The following COL4A2 variants were observed in gnomAD, a reference collection of about 807,000 sequenced individuals.
COL4A2 encodes the protein collagen alpha-2(IV) chain.
A neutral mutation model predicts 200.2 loss-of-function variants in COL4A2; 99 were observed. That is an observed-to-expected ratio of 0.49 (90% CI 0.42 to 0.58). The LOEUF (loss-of-function observed/expected upper bound fraction) is 0.58. Among genes scored for constraint, COL4A2 ranks in the 20% least tolerant of loss-of-function variants. COL4A2 has a pLI of 0.00. For synonymous variants in COL4A2, 897 were observed against 900.6 expected, an observed-to-expected ratio of 1.00 and a Z score of 0.07; for missense variants, 1,950 against 2,314.1, an observed-to-expected ratio of 0.84 and a Z score of 3.23.
At chr13:110,509,596 CGTT>C (rs1052034556) in intron 47 of COL4A2, among the ~76,000 whole-genome samples, 1 of 151,878 alleles carries the variant, frequency 6.6e-6, no homozygotes, top group African/African-American at 2.4e-5. Context: ...TTTTCACTCC[CGTT>C]GTTAAATTCA....
chr13:110,434,138 A>C (rs1445689858), intron 11 of COL4A2, among the ~76,000 whole-genome samples: 1 of 152,182 alleles, frequency 6.6e-6, no homozygotes, highest in Non-Finnish European at 1.5e-5. Flanking sequence ...TACAGTCTGC[A>C]GAGACCATAT....
At chr13:110,425,189 C>A (rs2139454475) in intron 6 of COL4A2, among the ~76,000 whole-genome samples, 192 bp downstream of exon 6, 1 of 152,282 alleles carries the variant, frequency 6.6e-6, no homozygotes, top group Admixed American at 6.5e-5. Flanking sequence ...TTGTAAACGT[C>A]CTTATAGACT....
At chr13:110,389,843 G>A (rs1160493601) in intron 4 of COL4A2, among the ~76,000 whole-genome samples, 1 of 147,058 alleles carries the variant, frequency 6.8e-6, no homozygotes, top group Non-Finnish European at 1.5e-5. Flanking sequence ...TATTGTGTTA[G>A]TGGGTGCTTT....
At chr13:110,424,688 T>C (rs756791073) in intron 4 of COL4A2, 46 bp from the exon 5 acceptor site, 3 of 1,364,180 alleles carry the variant, frequency 2.2e-6, no homozygotes, top group Non-Finnish European at 3.1e-6. Context: ...ATCATGAGTA[T>C]GTATTGTGAT....
chr13:110,486,511 C>T (rs573334719), intron 34 of COL4A2, among the ~76,000 whole-genome samples: 3 of 152,178 alleles, frequency 2.0e-5, no homozygotes, highest in African/African-American at 4.8e-5. Flanking sequence ...ATAGTGTATT[C>T]TCACAGTCCC....
At chr13:110,409,838 CG>C (rs1879759949) in intron 4 of COL4A2, among the ~76,000 whole-genome samples, 1 of 152,108 alleles carries the variant, frequency 6.6e-6, no homozygotes, top group Admixed American at 6.5e-5. Flanking sequence ...CATTCCAAAC[CG>C]GGGAGTCTTG....
intron 13 of COL4A2, among the ~76,000 whole-genome samples, chr13:110,436,799 T>C (rs1205742793): frequency 1.3e-5 from 2 of 152,214 alleles, no homozygotes; most frequent in Non-Finnish European, 2.9e-5. Flanking sequence ...TTTGACAGTT[T>C]CTGAATCATT....
At position 110,512,411 on chromosome 13, in the gene COL4A2, GCAGCCCTGGCCCCCAT is replaced by G; in HGVS notation, c.*229_*244del. ...AAGCCCTGCCCACAGAAAGCCAGGA[GCAGCCCTGGCCCCCAT>G]CAGCCCTGCTAGACGCACCGCCTGA... On this transcript the variant is annotated 3_prime_UTR_variant, in exon 48 of 48. Coordinates refer to ENST00000360467, the MANE Select transcript of COL4A2 (RefSeq NM_001846.4). 1 of 745,776 alleles carries G rather than the reference GCAGCCCTGGCCCCCAT, an allele frequency of 1.3e-6. No individual in the cohort carries two copies. Among genetic ancestry groups the G allele is most frequent in the South Asian group, 2.0e-5 (1 of 51,050 alleles). The allele number at this position is 745,776 out of a possible 1,614,324, so 46.2% of individuals were successfully genotyped here. A position where few individuals can be genotyped will look rare whatever the true frequency, so the allele number is the denominator to read the frequency against.
intron 3 of COL4A2, among the ~76,000 whole-genome samples, chr13:110,322,746 T>C (rs1393259587): frequency 6.6e-6 from 1 of 152,218 alleles, no homozygotes; most frequent in Non-Finnish European, 1.5e-5. Flanking sequence ...TTCAGGTTGC[T>C]AAGGGCTGGG....
intron 4 of COL4A2, among the ~76,000 whole-genome samples, chr13:110,384,887 G>A (rs1035869053): frequency 6.6e-5 from 10 of 152,194 alleles, no homozygotes; most frequent in African/African-American, 2.4e-4. Flanking sequence ...TGCAAATAGG[G>A]GTTTAGAAGG....
chr13:110,451,783 A>G (rs1881546046), intron 20 of COL4A2, among the ~76,000 whole-genome samples: 1 of 152,212 alleles, frequency 6.6e-6, no homozygotes, highest in Non-Finnish European at 1.5e-5. Context: ...GTGTTAGTGT[A>G]TTTTATGTGT....
rs191140472 is a variant in COL4A2, at chr13:110,315,562, A to T, written c.99+7439A>T. On this transcript the variant is annotated intron_variant, in intron 3 of 47. Transcript: ENST00000360467. ...AGGCACGAGTCACCATTCTCAGCTAACTTACGTATTTTTAGTAGAGACAGG... is the reference window on the plus strand; with the variant it reads ...AGGCACGAGTCACCATTCTCAGCTATCTTACGTATTTTTAGTAGAGACAGG... Among the ~76,000 whole-genome samples the T allele has an allele frequency of 1.9e-4, 29 of 152,164 alleles. No homozygotes were observed. In the East Asian group the frequency reaches 5.2e-3, roughly 27 times the overall value.
At chr13:110,311,710 C>G (rs1302434173) in intron 3 of COL4A2, among the ~76,000 whole-genome samples, 59 of 152,350 alleles carry the variant, frequency 3.9e-4, no homozygotes, top group Non-Finnish European at 1.5e-5. Flanking sequence ...TGTAGCCGCT[C>G]TGAGCATTGT....
chr13:110,320,380 G>T (rs562772796), intron 3 of COL4A2, among the ~76,000 whole-genome samples: 33 of 152,210 alleles, frequency 2.2e-4, no homozygotes, highest in Non-Finnish European at 4.7e-4. Flanking sequence ...CAACAAGAGT[G>T]ATTTGTTATC....
intron 4 of COL4A2, among the ~76,000 whole-genome samples, chr13:110,401,456 TTA>T (rs1566513216): frequency 6.6e-6 from 1 of 152,224 alleles, no homozygotes; most frequent in Admixed American, 6.5e-5. Context: ...GGAGCTCTGT[TTA>T]TATGTTTGCC....
chr13:110,433,457 A>G (rs1321523255), intron 11 of COL4A2, among the ~76,000 whole-genome samples: 1 of 152,088 alleles, frequency 6.6e-6, no homozygotes, highest in Non-Finnish European at 1.5e-5. Flanking sequence ...ACTGTGGGGG[A>G]CTCACACAAA....
chr13:110,360,998 A>G (rs1181435450), intron 4 of COL4A2, among the ~76,000 whole-genome samples: 3 of 152,250 alleles, frequency 2.0e-5, no homozygotes, highest in Non-Finnish European at 4.4e-5. Flanking sequence ...CTGTTAATTC[A>G]GGTGAGACCC....
At chr13:110,470,805 G>C (rs969801933) in intron 28 of COL4A2, among the ~76,000 whole-genome samples, 2 of 152,200 alleles carry the variant, frequency 1.3e-5, no homozygotes, top group African/African-American at 4.8e-5. Flanking sequence ...ATGCAGAAGT[G>C]TCTGTCCGTC....
At chr13:110,448,607 G>A (rs537021155) in intron 18 of COL4A2, among the ~76,000 whole-genome samples, 1 of 152,342 alleles carries the variant, frequency 6.6e-6, no homozygotes, top group South Asian at 2.1e-4. Context: ...GGATAGAGGG[G>A]TTTGTATTAA....
Sources: allele counts gnomAD v4.1 joint callset (sites outside exome capture counted in the v4.1 genomes callset), GRCh38; gene constraint gnomAD v4.1.1; transcripts MANE v1.5; gene names NCBI Gene and HGNC (gene_info 2026-07-23, HGNC 2026-07-21).